CNGB1: variants seen among roughly 807,000 people sequenced by gnomAD.
CNGB1 encodes cyclic nucleotide gated channel subunit beta 1, also known as cyclic nucleotide-gated channel beta-1.
A neutral mutation model predicts 151.7 loss-of-function variants in CNGB1; 126 were observed. That is an observed-to-expected ratio of 0.83 (90% CI 0.72 to 0.96). The LOEUF (loss-of-function observed/expected upper bound fraction) is 0.96. CNGB1 is among the 40% of genes least tolerant of loss of function. The pLI is 0.00. For missense variants in CNGB1, 1,698 were observed against 1,627.0 expected (o/e 1.04, Z -0.75); for synonymous variants, 623 against 635.1 (o/e 0.98, Z 0.29).
chr16:57,927,333 A>G lies in CNGB1; in HGVS notation c.1536-3953T>C, dbSNP rs149209497. On this transcript the variant is annotated intron_variant, in intron 17 of 32. Transcript: ENST00000251102. ...CTCCTCTGTGGCTTTTTGGCTCCCA[A>G]TGTTCATTCTGTCCCTGCTCACAGT... Among the ~76,000 whole-genome samples, 56 of 152,292 alleles carry G rather than the reference A, an allele frequency of 3.7e-4. 1 individual carries two copies. The highest frequency in any genetic ancestry group is 6.5e-4 in the Non-Finnish European group (44 of 68,020).
At chr16:57,909,877 T>A (rs1352439891) in intron 25 of CNGB1, among the ~76,000 whole-genome samples, 5 of 152,174 alleles carry the variant, frequency 3.3e-5, no homozygotes, top group African/African-American at 1.2e-4. Context: ...CCGTGTAACC[T>A]TGGGAACTCC....
Position 57,960,891 on chromosome 16 carries a change from C to A in CNGB1, c.483G>T (p.Trp161Cys). 6.2e-7 allele frequency: 1 copy of A among 1,614,170 alleles called. No individual in the cohort carries two copies. Among genetic ancestry groups the A allele is most frequent in the South Asian group, 1.1e-5 (1 of 91,080 alleles). Residue 161 changes from tryptophan to cysteine, a missense_variant, in exon 8 of 33, where the codon TGG becomes TGT. Transcript: ENST00000251102. Reference protein sequence around the residue: ...DTRPGLRLLLWLEQNLERVLP... With the variant: ...DTRPGLRLLLCLEQNLERVLP... ...GCACTCTTTCCAGATTCTGCTCCAG[C>A]CACAGAAGCAGCCGCAGCCCAGGCC... is the stretch of plus-strand genomic sequence containing the variant.
At chr16:57,886,074 A>G (rs1959920998) in intron 32 of CNGB1, among the ~76,000 whole-genome samples, 3 of 152,134 alleles carry the variant, frequency 2.0e-5, no homozygotes, top group African/African-American at 7.2e-5. Flanking sequence ...CCTGATCTTT[A>G]TGACCTCATG....
chr16:57,915,726 C>A (rs1281670575), intron 22 of CNGB1, among the ~76,000 whole-genome samples: 2 of 151,954 alleles, frequency 1.3e-5, no homozygotes, highest in East Asian at 3.9e-4. Context: ...TGGTGAAACC[C>A]TGTCTCTTCT....
At chr16:57,959,802 C>T in intron 10 of CNGB1, 86 bp downstream of exon 10, 1 of 1,399,782 alleles carries the variant, frequency 7.1e-7, no homozygotes, top group Non-Finnish European at 9.3e-7. Flanking sequence ...AATTTTCTTC[C>T]AGGTTTCCAG....
chr16:57,954,548 C>T (rs1567394273), intron 12 of CNGB1: 6 of 377,152 alleles, frequency 1.6e-5, no homozygotes, highest in Non-Finnish European at 2.2e-5. Flanking sequence ...AGCTCAGGAC[C>T]CCTGGCTAAT....
intron 17 of CNGB1, among the ~76,000 whole-genome samples, chr16:57,929,833 G>A (rs1351424423): frequency 1.3e-5 from 2 of 152,176 alleles, no homozygotes; most frequent in African/African-American, 4.8e-5. Context: ...GGAGATTTGG[G>A]TGGGGACACA....
intron 22 of CNGB1, 21 bp downstream of exon 22, chr16:57,916,108 C>A (rs1356662829): frequency 6.2e-7 from 1 of 1,613,750 alleles, no homozygotes; most frequent in Admixed American, 1.7e-5. Flanking sequence ...AGACGCTAAA[C>A]CTTGCATGCC....
chr16:57,962,880 GGACA>G lies in CNGB1; in HGVS notation c.382-12_382-9del, dbSNP rs748831057. 9.3e-6 allele frequency: 15 copies of G among 1,612,484 alleles called. No homozygotes were observed. The highest frequency in any genetic ancestry group is 4.0e-5 in the African/African-American group (3 of 75,020). On this transcript the variant is annotated splice_polypyrimidine_tract_variant and intron_variant, in intron 5 of 32. Coordinates refer to ENST00000251102, the MANE Select transcript of CNGB1 (RefSeq NM_001297.5). ...GCTGCCATGCCCCAGGATCTGCCAGGGACAGACAGACAGACATGGGCAGGGAGCC... is the reference window on the plus strand; with the variant it reads ...GCTGCCATGCCCCAGGATCTGCCAGGGACAGACAGACATGGGCAGGGAGCC...
At chr16:57,907,190 T>C (rs411657) in intron 25 of CNGB1, among the ~76,000 whole-genome samples, 87,451 of 151,978 alleles carry the variant, frequency 0.58, 25,960 homozygotes, top group African/African-American at 0.74. Flanking sequence ...AGGTCCCAGA[T>C]AGCTGTCCCC....
intron 10 of CNGB1, among the ~76,000 whole-genome samples, chr16:57,959,385 G>A (rs1371967052): frequency 6.6e-6 from 1 of 151,986 alleles, no homozygotes; most frequent in African/African-American, 2.4e-5. Context: ...AGGCCAAGGC[G>A]GTCAGATTGC....
intron 17 of CNGB1, among the ~76,000 whole-genome samples, chr16:57,928,324 G>A (rs866825438): frequency 6.6e-6 from 1 of 152,216 alleles, no homozygotes; most frequent in Non-Finnish European, 1.5e-5. Flanking sequence ...GACCAAACAC[G>A]TGATCATGGT....
At chr16:57,924,064 C>T (rs915821583) in intron 17 of CNGB1, among the ~76,000 whole-genome samples, 1 of 152,136 alleles carries the variant, frequency 6.6e-6, no homozygotes, top group African/African-American at 2.4e-5. Flanking sequence ...TGAAATCCAC[C>T]TGAATTTCAG....
chr16:57,953,613 CT>C (rs1962016183), intron 12 of CNGB1, among the ~76,000 whole-genome samples: 1 of 152,152 alleles, frequency 6.6e-6, no homozygotes, highest in African/African-American at 2.4e-5. Flanking sequence ...ACCTGGACCC[CT>C]GGGTCTCTGT....
At chr16:57,944,423 A>T (rs1332337636) in intron 14 of CNGB1, among the ~76,000 whole-genome samples, 1 of 152,160 alleles carries the variant, frequency 6.6e-6, no homozygotes, top group African/African-American at 2.4e-5. Context: ...AAGGGTACAA[A>T]GATTCAGCTA....
intron 23 of CNGB1, among the ~76,000 whole-genome samples, chr16:57,913,655 A>G (rs1378285222): frequency 6.6e-6 from 1 of 151,868 alleles, no homozygotes; most frequent in Non-Finnish European, 1.5e-5. Flanking sequence ...TAATTTTTAA[A>G]TTTTTTGTAG....
rs538339672 is a variant in CNGB1 at position 57,915,191 on chromosome 16, T to C, written c.2304+58A>G. On this transcript the variant is annotated intron_variant, in intron 23 of 32. Coordinates refer to ENST00000251102, the MANE Select transcript of CNGB1 (RefSeq NM_001297.5). Reference sequence around the variant, plus strand: ...CTGGGGGCAGACACGAAGATGCCAGTGTCGGTGCAGAGCAGGGATGAGCTG... The same window carrying C: ...CTGGGGGCAGACACGAAGATGCCAGCGTCGGTGCAGAGCAGGGATGAGCTG... 9.1e-5 allele frequency: 127 copies of C among 1,397,104 alleles called. 1 individual carries two copies. In the South Asian group the frequency reaches 1.5e-3, roughly 16 times the overall value. 86.5% of individuals were successfully genotyped at this position (1,397,104 alleles called of 1,614,324 possible).
chr16:57,883,149 C>G lies in CNGB1; in HGVS notation c.*1015G>C, dbSNP rs1411084526. The G allele has an allele frequency of 6.6e-6, 1 of 152,288 alleles. No individual in the cohort carries two copies. The highest frequency in any genetic ancestry group is 1.5e-5 in the Non-Finnish European group (1 of 68,102). The allele number at this position is 152,288 out of a possible 1,614,324, so 9.4% of individuals were successfully genotyped here. A position where few individuals can be genotyped will look rare whatever the true frequency, so the allele number is the denominator to read the frequency against. ...TCTGGGGAAGATAAGCACTAACTACCTTAATGGGCATCTAGCCCCCTACTG... is the reference window on the plus strand; with the variant it reads ...TCTGGGGAAGATAAGCACTAACTACGTTAATGGGCATCTAGCCCCCTACTG... On this transcript the variant is annotated 3_prime_UTR_variant, in exon 33 of 33. Coordinates refer to ENST00000251102, the MANE Select transcript of CNGB1 (RefSeq NM_001297.5).
intron 32 of CNGB1, among the ~76,000 whole-genome samples, chr16:57,885,124 C>G (rs570650325): frequency 5.9e-5 from 9 of 152,222 alleles, no homozygotes; most frequent in Admixed American, 5.9e-4. Flanking sequence ...TTAAATCAAG[C>G]CTTTGCGGAT....
Sources: gnomAD v4.1 joint callset for allele counts (sites outside exome capture counted in the v4.1 genomes callset) on GRCh38, gnomAD v4.1.1 for gene constraint, MANE v1.5 for transcripts, NCBI Gene and HGNC (gene_info 2026-07-23, HGNC 2026-07-21) for gene names.